Variants in LEMD3 observed in about 807,000 individuals in gnomAD.
The protein encoded by LEMD3 is LEM domain containing 3, also known as inner nuclear membrane protein Man1.
A neutral mutation model predicts 95.2 loss-of-function variants in LEMD3; 33 were observed. That is an observed-to-expected ratio of 0.35 (90% confidence interval 0.26 to 0.46). LEMD3 has a LOEUF of 0.46. LEMD3 is among the 20% of genes least tolerant of loss of function. The pLI is 1.00. For synonymous variants in LEMD3, 525 were observed against 474.6 expected (o/e 1.11, Z -1.38); for missense variants, 1,210 against 1,192.8 (o/e 1.01, Z -0.21).
chr12:65,228,542 C>A (rs1311216653), intron 4 of LEMD3, among the ~76,000 whole-genome samples: 1 of 151,632 alleles, frequency 6.6e-6, no homozygotes, highest in Non-Finnish European at 1.5e-5. Context: ...ACTGCAGGCA[C>A]CTGCCACCAC....
chr12:65,231,334 T>C (rs1330534989), intron 4 of LEMD3, among the ~76,000 whole-genome samples: 1 of 152,104 alleles, frequency 6.6e-6, no homozygotes, highest in Non-Finnish European at 1.5e-5. Context: ...AATTTTAAGG[T>C]CTATATAAAA....
chr12:65,239,886 A>AT (rs1870878470), intron 6 of LEMD3, 43 bp from the exon 7 acceptor site: 1 of 1,319,632 alleles, frequency 7.6e-7, no homozygotes. Context: ...ATTGAATGAT[A>AT]TTGACCACAA....
intron 9 of LEMD3, among the ~76,000 whole-genome samples, chr12:65,242,254 C>T (rs1036543427): frequency 9.2e-5 from 14 of 152,040 alleles, no homozygotes; most frequent in Non-Finnish European, 2.1e-4. Flanking sequence ...TTTCTTCAGT[C>T]CTTTTCTAGA....
chr12:65,234,763 G>A (rs977341131), intron 4 of LEMD3, among the ~76,000 whole-genome samples: 7 of 152,020 alleles, frequency 4.6e-5, no homozygotes, highest in South Asian at 2.1e-4. Flanking sequence ...ATTCCTCCTC[G>A]TACTTAGCTT....
At chr12:65,194,754 AG>A (rs1869356912) in intron 1 of LEMD3, among the ~76,000 whole-genome samples, 1 of 40,674 alleles carries the variant, frequency 2.5e-5, no homozygotes, top group African/African-American at 1.6e-4. Context: ...GTCTTTCATT[AG>A]TTTTACATAG....
At chr12:65,224,769 A>T (rs181198257) in intron 4 of LEMD3, among the ~76,000 whole-genome samples, 1 of 152,024 alleles carries the variant, frequency 6.6e-6, no homozygotes. Flanking sequence ...TTTCTTCCCC[A>T]GGTTTGGGGA....
At chr12:65,223,264 T>A (rs1430214481) in intron 4 of LEMD3, among the ~76,000 whole-genome samples, 1 of 152,046 alleles carries the variant, frequency 6.6e-6, no homozygotes, top group African/African-American at 2.4e-5. Context: ...CTTTGTCATT[T>A]ATATAATAAA....
chr12:65,240,369 G>A, intron 8 of LEMD3, 131 bp downstream of exon 8: 1 of 715,792 alleles, frequency 1.4e-6, no homozygotes, highest in South Asian at 1.6e-5. Flanking sequence ...TTTTGGTTTT[G>A]CTTTGTTTTT....
intron 2 of LEMD3, among the ~76,000 whole-genome samples, chr12:65,214,092 T>G (rs10128865): frequency 0.97 from 146,934 of 152,160 alleles, 71,137 homozygotes; most frequent in East Asian, 1. Flanking sequence ...TTGAGATGGA[T>G]TCTCGCTCTG....
chr12:65,233,570 G>C lies in LEMD3; in HGVS notation c.1696-4932G>C, dbSNP rs141896955. ...GTTATATTTTAATTAATTTTAAAAG[G>C]TGCCATCTGATGCATAGTGTAGATC... is the stretch of plus-strand genomic sequence containing the variant. On this transcript the variant is annotated intron_variant, in intron 4 of 12. Coordinates refer to ENST00000308330, the MANE Select transcript of LEMD3 (RefSeq NM_014319.5). 9.2e-5 allele frequency among the ~76,000 whole-genome samples: 14 copies of C among 152,210 alleles called. No homozygotes were observed. In the East Asian group the frequency reaches 2.5e-3, roughly 27 times the overall value.
At chr12:65,211,846 G>A (rs1869947719) in intron 2 of LEMD3, among the ~76,000 whole-genome samples, 2 of 152,178 alleles carry the variant, frequency 1.3e-5, no homozygotes, top group South Asian at 4.1e-4. Context: ...ATTTTCTTCT[G>A]TTTAATTTTC....
At chr12:65,244,384 C>G (rs1200392675) in intron 10 of LEMD3, among the ~76,000 whole-genome samples, 1 of 151,404 alleles carries the variant, frequency 6.6e-6, no homozygotes, top group African/African-American at 2.4e-5. Flanking sequence ...TTACCTCATG[C>G]CTTAGGAATT....
intron 4 of LEMD3, among the ~76,000 whole-genome samples, chr12:65,219,785 A>G (rs1181934075): frequency 5.9e-5 from 9 of 152,302 alleles, no homozygotes; most frequent in Admixed American, 1.3e-4. Context: ...CAGATACCTC[A>G]TATAAGTTGA....
chr12:65,174,445 C>T (rs533073965), intron 1 of LEMD3, among the ~76,000 whole-genome samples: 15 of 152,106 alleles, frequency 9.9e-5, no homozygotes, highest in Non-Finnish European at 2.2e-4. Context: ...ATTGACTGTC[C>T]TAGGCTCGTA....
intron 2 of LEMD3, among the ~76,000 whole-genome samples, chr12:65,213,370 T>A (rs1870002928): frequency 6.6e-6 from 1 of 152,032 alleles, no homozygotes; most frequent in Admixed American, 6.5e-5. Flanking sequence ...GGACTACAGG[T>A]GCATACCACC....
intron 2 of LEMD3, among the ~76,000 whole-genome samples, chr12:65,214,078 T>G (rs1268431915): frequency 6.6e-6 from 1 of 152,200 alleles, no homozygotes; most frequent in Non-Finnish European, 1.5e-5. Flanking sequence ...CTCTTACTTT[T>G]TTTTTGAGAT....
chr12:65,200,632 T>G (rs1434973342), intron 1 of LEMD3, among the ~76,000 whole-genome samples: 1 of 152,196 alleles, frequency 6.6e-6, no homozygotes, highest in Non-Finnish European at 1.5e-5. Flanking sequence ...CTTTCTTTGG[T>G]GAGATGTCTG....
chr12:65,174,915 G>A (rs549278808), intron 1 of LEMD3, among the ~76,000 whole-genome samples: 2 of 152,266 alleles, frequency 1.3e-5, no homozygotes, highest in East Asian at 1.9e-4. Context: ...CATAAAGGTA[G>A]GCAGACCTCT....
chr12:65,231,448 G>A (rs1281028590), intron 4 of LEMD3, among the ~76,000 whole-genome samples: 2 of 152,092 alleles, frequency 1.3e-5, no homozygotes, highest in East Asian at 3.9e-4. Context: ...ACTTTGGGAG[G>A]CCAGGGCAGG....
Sources: gnomAD v4.1 joint callset for allele counts (sites outside exome capture counted in the v4.1 genomes callset) on GRCh38, gnomAD v4.1.1 for gene constraint, MANE v1.5 for transcripts, NCBI Gene and HGNC (gene_info 2026-07-23, HGNC 2026-07-21) for gene names.